Variants in EPHA6 observed in about 807,000 individuals in gnomAD.
EPHA6 encodes the protein ephrin type-A receptor 6.
Under a neutral mutation model 112.0 loss-of-function variants are expected in EPHA6, and 50 were observed. That is an observed-to-expected ratio of 0.45 (90% confidence interval 0.36 to 0.56). The LOEUF (loss-of-function observed/expected upper bound fraction) is 0.56, where lower values mean the gene tolerates loss of function less well. Among genes scored for constraint, EPHA6 ranks in the 20% least tolerant of loss-of-function variants. The pLI is 0.00. For missense variants in EPHA6, 1,280 were observed against 1,417.4 expected (o/e 0.90, Z 1.56); for synonymous variants, 529 against 490.7 (o/e 1.08, Z -1.03).
intron 3 of EPHA6, among the ~76,000 whole-genome samples, chr3:97,031,860 T>G (rs1402353026): frequency 1.3e-5 from 2 of 152,172 alleles, no homozygotes; most frequent in Non-Finnish European, 2.9e-5. Context: ...GACTGTAAAC[T>G]AGTTCAACCA....
intron 5 of EPHA6, among the ~76,000 whole-genome samples, chr3:97,276,974 A>G (rs561942222): frequency 6.6e-6 from 1 of 152,100 alleles, no homozygotes; most frequent in Non-Finnish European, 1.5e-5. Flanking sequence ...TGATAAAAAG[A>G]TTATAGGGTG....
chr3:96,835,893 A>G (rs555475755), intron 1 of EPHA6, among the ~76,000 whole-genome samples: 2 of 152,252 alleles, frequency 1.3e-5, no homozygotes, highest in South Asian at 2.1e-4. Flanking sequence ...ATGGAGATGC[A>G]TAGTAAACTT....
In EPHA6 at chr3:97,334,125, C is replaced by A. The variant is rs1268258674; in HGVS notation, c.1607-71025C>A. Among the ~76,000 whole-genome samples the A allele has an allele frequency of 2.6e-5, 4 of 151,950 alleles. No homozygotes were observed. In the East Asian group the frequency reaches 7.7e-4, roughly 29 times the overall value. ...AGTGTTTGACTTTCAAATGTTGAAA[C>A]AGCTTTATATATATGGAAGAAATCC... On this transcript the variant is annotated intron_variant, in intron 5 of 17. Coordinates refer to ENST00000389672, the MANE Select transcript of EPHA6 (RefSeq NM_001080448.3).
chr3:97,366,975 C>A (rs1217178558), intron 5 of EPHA6, among the ~76,000 whole-genome samples: 1 of 152,138 alleles, frequency 6.6e-6, no homozygotes, highest in Non-Finnish European at 1.5e-5. Flanking sequence ...TGAATTCTCA[C>A]AACACTGCAG....
chr3:97,567,384 GA>G (rs556337445), intron 11 of EPHA6, among the ~76,000 whole-genome samples: 6 of 151,116 alleles, frequency 4.0e-5, no homozygotes, highest in African/African-American at 4.9e-5. Flanking sequence ...GAATACAATG[GA>G]AAAAAAAATC....
chr3:97,200,519 G>A (rs2077552454), intron 3 of EPHA6, among the ~76,000 whole-genome samples: 1 of 152,090 alleles, frequency 6.6e-6, no homozygotes. Flanking sequence ...TTTCTGTCCT[G>A]TGGTGGTTTC....
intron 3 of EPHA6, among the ~76,000 whole-genome samples, chr3:96,995,878 T>G (rs552912724): frequency 3.5e-4 from 53 of 152,210 alleles, no homozygotes; most frequent in African/African-American, 1.0e-3. Flanking sequence ...TGCTGAAGGT[T>G]TTGGTACCTG....
At chr3:96,861,719 A>G (rs1249534902) in intron 1 of EPHA6, among the ~76,000 whole-genome samples, 1 of 151,978 alleles carries the variant, frequency 6.6e-6, no homozygotes, top group Non-Finnish European at 1.5e-5. Flanking sequence ...ACAAGCAAAA[A>G]CCACAAAAAA....
At chr3:97,544,724 A>G (rs1647044765) in intron 11 of EPHA6, among the ~76,000 whole-genome samples, 1 of 151,962 alleles carries the variant, frequency 6.6e-6, no homozygotes, top group Non-Finnish European at 1.5e-5. Context: ...CTGGTCCTGG[A>G]CTTTTGTTGG....
intron 1 of EPHA6, among the ~76,000 whole-genome samples, chr3:96,838,188 T>C (rs2034532555): frequency 6.6e-6 from 1 of 151,970 alleles, no homozygotes; most frequent in Admixed American, 6.6e-5. Context: ...CTGAGGATAA[T>C]GGTTTCCTCC....
chr3:97,697,759 C>G (rs2033132245), intron 14 of EPHA6, among the ~76,000 whole-genome samples: 1 of 151,984 alleles, frequency 6.6e-6, no homozygotes, highest in Non-Finnish European at 1.5e-5. Context: ...CATTGTGGGT[C>G]CCAGCAATCA....
At chr3:97,342,257 C>A (rs551469447) in intron 5 of EPHA6, among the ~76,000 whole-genome samples, 6 of 152,180 alleles carry the variant, frequency 3.9e-5, no homozygotes, top group South Asian at 2.1e-4. Flanking sequence ...TTTTTAAGTA[C>A]AAAATTGAAG....
intron 3 of EPHA6, among the ~76,000 whole-genome samples, chr3:97,152,348 A>G (rs948053976): frequency 2.0e-5 from 3 of 151,548 alleles, no homozygotes; most frequent in African/African-American, 7.3e-5. Context: ...CTGTTCCTTT[A>G]GCATTTTATA....
Position 97,752,005 on chromosome 3 carries a change from T to C in EPHA6, c.*3304T>C, listed in dbSNP as rs560841166. On this transcript the variant is annotated 3_prime_UTR_variant, in exon 18 of 18. Coordinates refer to ENST00000389672, the MANE Select transcript of EPHA6 (RefSeq NM_001080448.3). ...GAGAGATAAAGTATTTAAATCATTTTAAAAAGCAATCAAATTGCAAAATTT... is the reference window on the plus strand; with the variant it reads ...GAGAGATAAAGTATTTAAATCATTTCAAAAAGCAATCAAATTGCAAAATTT... 6.6e-6 allele frequency among the ~76,000 whole-genome samples: 1 copy of C among 152,292 alleles called. No homozygotes were observed. The highest frequency in any genetic ancestry group is 2.1e-4 in the South Asian group (1 of 4,826).
intron 11 of EPHA6, among the ~76,000 whole-genome samples, chr3:97,547,847 G>C (rs544455434): frequency 4.1e-4 from 62 of 152,316 alleles, no homozygotes; most frequent in Non-Finnish European, 6.6e-4. Context: ...AGACTCTGTG[G>C]GCGTAGGACC....
At chr3:97,382,878 TA>T (rs2085835032) in intron 5 of EPHA6, among the ~76,000 whole-genome samples, 1 of 152,038 alleles carries the variant, frequency 6.6e-6, no homozygotes, top group African/African-American at 2.4e-5. Flanking sequence ...AAGTAGTACC[TA>T]ATGATAATGT....
At chr3:97,209,090 C>T (rs920498692) in intron 3 of EPHA6, among the ~76,000 whole-genome samples, 1 of 152,082 alleles carries the variant, frequency 6.6e-6, no homozygotes. Context: ...CATATTTGCA[C>T]CTCTGCTTTG....
At chr3:97,646,454 A>T (rs2107595505) in intron 14 of EPHA6, 2 of 665,402 alleles carry the variant, frequency 3.0e-6, no homozygotes, top group East Asian at 3.1e-5. Flanking sequence ...TTCTTCTTCA[A>T]CTTGAGTGTT....
chr3:97,032,702 A>G (rs1221221386), intron 3 of EPHA6, among the ~76,000 whole-genome samples: 1 of 151,888 alleles, frequency 6.6e-6, no homozygotes, highest in African/African-American at 2.4e-5. Flanking sequence ...CTTGTCATGA[A>G]ACTCTCTGTA....
Sources: gnomAD v4.1 joint callset for allele counts (sites outside exome capture counted in the v4.1 genomes callset) on GRCh38, gnomAD v4.1.1 for gene constraint, MANE v1.5 for transcripts, NCBI Gene and HGNC (gene_info 2026-07-23, HGNC 2026-07-21) for gene names.